Variants in EDIL3 observed in about 807,000 individuals in gnomAD.
EDIL3 encodes EGF like and discoidin domains 3.
Under a neutral mutation model 67.4 loss-of-function variants are expected in EDIL3, and 37 were observed. The observed-to-expected ratio is 0.55, with a 90% CI of 0.42 to 0.72. The LOEUF (loss-of-function observed/expected upper bound fraction) is 0.72. Among genes scored for constraint, EDIL3 ranks in the 30% least tolerant of loss-of-function variants. The pLI, the probability that EDIL3 is intolerant of heterozygous loss-of-function variation, is 0.00. For missense variants in EDIL3, 527 were observed against 586.3 expected (o/e 0.90, Z 1.04); for synonymous variants, 195 against 196.3 (o/e 0.99, Z 0.05).
chr5:84,274,825 T>G (rs1365177874), intron 1 of EDIL3, among the ~76,000 whole-genome samples: 1 of 151,644 alleles, frequency 6.6e-6, no homozygotes, highest in East Asian at 1.9e-4. Flanking sequence ...AGAAAGACCT[T>G]CAGAGCACAG....
At chr5:84,248,932 T>C (rs1744966396) in intron 2 of EDIL3, among the ~76,000 whole-genome samples, 1 of 152,190 alleles carries the variant, frequency 6.6e-6, no homozygotes, top group African/African-American at 2.4e-5. Flanking sequence ...GTCCCCCTGC[T>C]GTATTTTGCT....
intron 3 of EDIL3, among the ~76,000 whole-genome samples, chr5:84,218,674 G>C (rs546630679): frequency 6.6e-6 from 1 of 152,322 alleles, no homozygotes; most frequent in Non-Finnish European, 1.5e-5. Context: ...CCAGAGGGGA[G>C]ACCGCTGCCC....
At chr5:84,340,339 GC>G (rs1479368699) in intron 1 of EDIL3, among the ~76,000 whole-genome samples, 6 of 151,518 alleles carry the variant, frequency 4.0e-5, no homozygotes, top group Non-Finnish European at 7.4e-5. Context: ...ATTTAACCCT[GC>G]AGTACCTCAG....
intron 9 of EDIL3, among the ~76,000 whole-genome samples, chr5:84,042,652 A>AT (rs918746457): frequency 1.3e-5 from 2 of 152,030 alleles, no homozygotes; most frequent in African/African-American, 2.4e-5. Flanking sequence ...CTTCCTTTAA[A>AT]TTTTTTTTAT....
chr5:84,369,144 G>T (rs1417225794), intron 1 of EDIL3, among the ~76,000 whole-genome samples: 5 of 151,364 alleles, frequency 3.3e-5, no homozygotes, highest in African/African-American at 9.7e-5. Context: ...AACAGACTCT[G>T]AAAGGGATAC....
At chr5:84,140,654 CA>C (rs997270755) in intron 4 of EDIL3, among the ~76,000 whole-genome samples, 7 of 152,094 alleles carry the variant, frequency 4.6e-5, no homozygotes, top group African/African-American at 1.7e-4. Flanking sequence ...GCTTTGTAGA[CA>C]CACTCAATTT....
chr5:84,157,117 T>C (rs984115292), intron 4 of EDIL3, among the ~76,000 whole-genome samples: 6 of 151,788 alleles, frequency 4.0e-5, no homozygotes, highest in African/African-American at 1.5e-4. Flanking sequence ...TTTTTTACCA[T>C]TTTTTTCTAT....
intron 1 of EDIL3, among the ~76,000 whole-genome samples, chr5:84,308,178 A>G (rs564763403): frequency 6.6e-6 from 1 of 152,320 alleles, no homozygotes; most frequent in African/African-American, 2.4e-5. Context: ...TGAGATGTAG[A>G]ATCGATATGA....
intron 10 of EDIL3, among the ~76,000 whole-genome samples, chr5:83,952,669 A>G (rs2112118563): frequency 6.6e-6 from 1 of 151,924 alleles, no homozygotes; most frequent in South Asian, 2.1e-4. Context: ...CTCAAAACTC[A>G]TCTCTCAAAC....
At chr5:84,330,730 G>C (rs1746854138) in intron 1 of EDIL3, among the ~76,000 whole-genome samples, 1 of 152,128 alleles carries the variant, frequency 6.6e-6, no homozygotes, top group African/African-American at 2.4e-5. Context: ...AGGGTGCAAG[G>C]ATGCCTGCAG....
At chr5:84,238,907 C>T (rs1744736030) in intron 2 of EDIL3, among the ~76,000 whole-genome samples, 1 of 151,860 alleles carries the variant, frequency 6.6e-6, no homozygotes, top group Non-Finnish European at 1.5e-5. Flanking sequence ...TCAGGGTGGG[C>T]CCACACCACA....
At chr5:84,369,962 C>T (rs1747811148) in intron 1 of EDIL3, among the ~76,000 whole-genome samples, 1 of 152,064 alleles carries the variant, frequency 6.6e-6, no homozygotes, top group Admixed American at 6.6e-5. Context: ...AATTTTAAAA[C>T]AAAGACTAGA....
At chr5:84,309,958 A>G (rs991242601) in intron 1 of EDIL3, among the ~76,000 whole-genome samples, 3 of 152,180 alleles carry the variant, frequency 2.0e-5, no homozygotes, top group Admixed American at 6.5e-5. Flanking sequence ...AGTCCCACCA[A>G]CAGTGTGAAA....
chr5:84,291,435 A>G (rs1307954950), intron 1 of EDIL3, among the ~76,000 whole-genome samples: 1 of 152,042 alleles, frequency 6.6e-6, no homozygotes, highest in Non-Finnish European at 1.5e-5. Context: ...ATATCCTTTT[A>G]AAAAGGTACA....
At chr5:84,281,885 T>C (rs71638272) in intron 1 of EDIL3, among the ~76,000 whole-genome samples, 5 of 112,736 alleles carry the variant, frequency 4.4e-5, no homozygotes, top group Admixed American at 3.4e-4. Flanking sequence ...TTTTTTGAGG[T>C]GGAGTCTCAC....
intron 3 of EDIL3, among the ~76,000 whole-genome samples, chr5:84,182,758 T>G (rs563535115): frequency 6.6e-6 from 1 of 151,834 alleles, no homozygotes; most frequent in African/African-American, 2.4e-5. Flanking sequence ...GGACCTTGAC[T>G]TCCCGATAGG....
At chr5:84,371,844 T>C (rs1194420230) in intron 1 of EDIL3, among the ~76,000 whole-genome samples, 1 of 152,048 alleles carries the variant, frequency 6.6e-6, no homozygotes, top group African/African-American at 2.4e-5. Context: ...AAAAATTAAC[T>C]AGCAAAACAA....
At position 84,124,240 on chromosome 5, in the gene EDIL3, GAC is replaced by G. The variant is rs1320785502; in HGVS notation, c.469+12999_469+13000del. Among the ~76,000 whole-genome samples the G allele has an allele frequency of 2.0e-5, 3 of 152,010 alleles. No homozygotes were observed. In the East Asian group the frequency reaches 5.8e-4, roughly 29 times the overall value. On this transcript the variant is annotated intron_variant, in intron 5 of 10. Coordinates refer to ENST00000296591, the MANE Select transcript of EDIL3 (RefSeq NM_005711.5). Reference sequence around the variant, plus strand: ...ATCGGAAAAGGGATTTGGCCAACCAGACACAAGGGAAGACACGTTGTAGAAAG... The same window carrying G: ...ATCGGAAAAGGGATTTGGCCAACCAGACAAGGGAAGACACGTTGTAGAAAG...
chr5:84,094,665 G>A (rs2112271547), intron 6 of EDIL3, among the ~76,000 whole-genome samples: 1 of 151,974 alleles, frequency 6.6e-6, no homozygotes, highest in East Asian at 1.9e-4. Context: ...TTTTTTTGTA[G>A]CATTCTCAAT....
Sources: allele counts gnomAD v4.1 joint callset (sites outside exome capture counted in the v4.1 genomes callset), GRCh38; gene constraint gnomAD v4.1.1; transcripts MANE v1.5; gene names NCBI Gene and HGNC (gene_info 2026-07-23, HGNC 2026-07-21).